TIAM1: variants seen among roughly 807,000 people sequenced by gnomAD.
TIAM1 encodes the protein rho guanine nucleotide exchange factor TIAM1.
Under a neutral mutation model 163.5 loss-of-function variants are expected in TIAM1, and 65 were observed. The ratio of observed to expected loss-of-function variants is 0.40; its 90% CI spans 0.33 to 0.49. The LOEUF is 0.49. TIAM1 is among the 20% of genes least tolerant of loss of function. The pLI, the probability that TIAM1 is intolerant of heterozygous loss-of-function variation, is 0.77. For missense variants in TIAM1, 1,789 were observed against 2,044.7 expected, an observed-to-expected ratio of 0.87 and a Z score of 2.41; for synonymous variants, 833 against 810.1, an observed-to-expected ratio of 1.03 and a Z score of -0.48.
chr21:31,374,586 G>A (rs2076653142), intron 2 of TIAM1, among the ~76,000 whole-genome samples: 1 of 152,150 alleles, frequency 6.6e-6, no homozygotes, highest in Non-Finnish European at 1.5e-5. Context: ...GGAACAGGAG[G>A]GGCTGTGAAA....
rs2071457984 is a variant in TIAM1, at chr21:31,245,597, T to C, written c.1475A>G (p.Lys492Arg). ...GCTGTTCTCCACCCAGACGGCGTGT[T>C]TGGGGATGCTGTTGTGGTCTATCCC... ...RSGIDHNSIP[K>R]HAVWVENSIV... Residue 492 changes from lysine (K) to arginine (R), a missense_variant, in exon 6 of 28, where the codon AAA (lysine) becomes AGA (arginine). Lys to Arg is a conservative substitution (Grantham distance 26). This residue lies in a region of TIAM1 where 456 missense variants were observed against 586.6 expected (regional missense o/e 0.78). Coordinates refer to ENST00000541036, the MANE Select transcript of TIAM1 (RefSeq NM_001353694.2). 3.1e-6 allele frequency: 5 copies of C among 1,607,784 alleles called. No individual in the cohort carries two copies. The highest frequency in any genetic ancestry group is 4.2e-6 in the Non-Finnish European group (5 of 1,177,278).
intron 1 of TIAM1, among the ~76,000 whole-genome samples, chr21:31,486,215 C>T (rs1420017069): frequency 6.6e-6 from 1 of 152,208 alleles, no homozygotes; most frequent in African/African-American, 2.4e-5. Flanking sequence ...TCCCAGCCAT[C>T]CAGCACTGGA....
chr21:31,333,848 T>C (rs1480240885), intron 2 of TIAM1, among the ~76,000 whole-genome samples: 1 of 152,174 alleles, frequency 6.6e-6, no homozygotes, highest in Non-Finnish European at 1.5e-5. Flanking sequence ...ATGATATTCA[T>C]AGCTACCCAA....
chr21:31,523,264 A>C (rs2047667200), intron 1 of TIAM1, among the ~76,000 whole-genome samples: 1 of 152,234 alleles, frequency 6.6e-6, no homozygotes, highest in South Asian at 2.1e-4. Context: ...ATTTTCACTA[A>C]ATATAGCCTA....
intron 2 of TIAM1, among the ~76,000 whole-genome samples, chr21:31,370,979 A>G (rs2076588506): frequency 2.0e-5 from 3 of 152,120 alleles, no homozygotes; most frequent in Admixed American, 1.3e-4. Flanking sequence ...TTTGGCCCCC[A>G]GTGTCCCAGG....
chr21:31,207,346 T>C (rs1348091633), intron 11 of TIAM1, among the ~76,000 whole-genome samples: 3 of 152,080 alleles, frequency 2.0e-5, no homozygotes, highest in Non-Finnish European at 2.9e-5. Context: ...GTGGATCAGA[T>C]AGAATAGGAA....
chr21:31,179,462 T>C (rs913632656), intron 15 of TIAM1, among the ~76,000 whole-genome samples: 9 of 151,564 alleles, frequency 5.9e-5, no homozygotes, highest in Admixed American at 4.6e-4. Context: ...ATTTGAGTCA[T>C]AGTTATTATC....
At chr21:31,172,623 G>A (rs757448167) in intron 15 of TIAM1, among the ~76,000 whole-genome samples, 1 of 152,090 alleles carries the variant, frequency 6.6e-6, no homozygotes, top group South Asian at 2.1e-4. Flanking sequence ...AAGAGGGCTC[G>A]GTCTAGAGAG....
At chr21:31,179,558 A>C (rs1259982532) in intron 15 of TIAM1, among the ~76,000 whole-genome samples, 2 of 151,812 alleles carry the variant, frequency 1.3e-5, no homozygotes, top group East Asian at 1.9e-4. Flanking sequence ...AAAAAAAAAA[A>C]AACCTTCCAA....
chr21:31,266,864 G>T lies in TIAM1; in HGVS notation c.109C>A (p.Arg37=). Residue 37 remains arginine, a synonymous_variant, in exon 4 of 28, where the codon CGG becomes AGG. Coordinates refer to ENST00000541036, the MANE Select transcript of TIAM1 (RefSeq NM_001353694.2). ...SRSLRLSHKT[R]RTRHASSGKV... ...CCCGAGGAAGCGTGCCTGGTCCTCC[G>T]CGTCTTGTGCGAGAGGCGCAGGGAG... The T allele has an allele frequency of 6.2e-7, 1 of 1,614,138 alleles. No homozygotes were observed. The highest frequency in any genetic ancestry group is 1.3e-5 in the African/African-American group (1 of 75,054).
At position 31,182,590 on chromosome 21, in the gene TIAM1, CA is replaced by C; in HGVS notation, c.2717del (p.Leu906ArgfsTer19). On this transcript the variant is annotated frameshift_variant, in exon 15 of 28. Coordinates refer to ENST00000541036, the MANE Select transcript of TIAM1 (RefSeq NM_001353694.2). LOFTEE classifies it high-confidence loss of function. Reference protein sequence around the residue: ...LEINNRAADALNSSMLKDFLS... With the variant: ...LEINNRAADAXNSSMLKDFLS... ...GGAAATCTTTGAGCATAGAAGAGTT[CA>C]GGGCGTCAGCAGCACGATTATTGAT... is the stretch of plus-strand genomic sequence containing the variant. 6.2e-7 allele frequency: 1 copy of C among 1,614,068 alleles called. No homozygotes were observed. Among genetic ancestry groups the C allele is most frequent in the Non-Finnish European group, 8.5e-7 (1 of 1,179,972 alleles).
chr21:31,407,520 C>T (rs1016874374), intron 2 of TIAM1, among the ~76,000 whole-genome samples: 13 of 152,260 alleles, frequency 8.5e-5, no homozygotes, highest in African/African-American at 2.6e-4. Flanking sequence ...CACTGGATAC[C>T]CTGGTTAAAA....
chr21:31,492,809 A>ACACG (rs2046514633), intron 1 of TIAM1, among the ~76,000 whole-genome samples: 1 of 148,790 alleles, frequency 6.7e-6, no homozygotes, highest in Non-Finnish European at 1.5e-5. Context: ...ACACACACAC[A>ACACG]CACACACACA....
intron 1 of TIAM1, among the ~76,000 whole-genome samples, chr21:31,555,602 C>A (rs1417132322): frequency 6.6e-6 from 1 of 152,068 alleles, no homozygotes; most frequent in Non-Finnish European, 1.5e-5. Context: ...GCTTCTCACT[C>A]CCACTCCTCT....
chr21:31,293,060 G>A (rs1340461246), intron 2 of TIAM1, among the ~76,000 whole-genome samples: 1 of 152,194 alleles, frequency 6.6e-6, no homozygotes, highest in Non-Finnish European at 1.5e-5. Flanking sequence ...CTGACCTCAA[G>A]TGATTTGCCC....
At chr21:31,390,961 C>T (rs895642104) in intron 2 of TIAM1, among the ~76,000 whole-genome samples, 3 of 152,178 alleles carry the variant, frequency 2.0e-5, no homozygotes, top group African/African-American at 7.2e-5. Flanking sequence ...CTTCTCTGGC[C>T]TTCTACCAGC....
At chr21:31,415,959 A>C (rs2043357763) in intron 2 of TIAM1, among the ~76,000 whole-genome samples, 1 of 151,976 alleles carries the variant, frequency 6.6e-6, no homozygotes, top group African/African-American at 2.4e-5. Context: ...CCTCCCACCA[A>C]CCAGCCTTCC....
At chr21:31,476,504 C>T (rs1367160692) in intron 1 of TIAM1, among the ~76,000 whole-genome samples, 2 of 152,172 alleles carry the variant, frequency 1.3e-5, no homozygotes, top group Non-Finnish European at 2.9e-5. Context: ...TGTACTTGTT[C>T]TTTAGTAAAT....
chr21:31,216,993 G>A (rs1199737674), intron 9 of TIAM1, among the ~76,000 whole-genome samples: 4 of 152,068 alleles, frequency 2.6e-5, no homozygotes, highest in African/African-American at 9.7e-5. Flanking sequence ...GGATCATGAG[G>A]GTCAGGAGTT....
Sources: allele counts gnomAD v4.1 joint callset (sites outside exome capture counted in the v4.1 genomes callset), GRCh38; gene constraint gnomAD v4.1.1; regional missense constraint gnomAD v4.1.1; transcripts MANE v1.5; gene names NCBI Gene and HGNC (gene_info 2026-07-23, HGNC 2026-07-21).